Variants in MARCHF1 observed in about 807,000 individuals in gnomAD.
MARCHF1 encodes the protein E3 ubiquitin-protein ligase MARCHF1.
MARCHF1 carries 40 observed loss-of-function variants against 54.2 expected under a neutral mutation model. The observed-to-expected ratio is 0.74, with a 90% confidence interval of 0.57 to 0.96. MARCHF1 has a LOEUF of 0.96. Among genes scored for constraint, MARCHF1 ranks in the 40% least tolerant of loss-of-function variants. The pLI is 0.00. For synonymous variants in MARCHF1, 236 were observed against 236.3 expected, an observed-to-expected ratio of 1.00 and a Z score of 0.01; for missense variants, 586 against 656.5, an observed-to-expected ratio of 0.89 and a Z score of 1.17.
chr4:164,082,927 T>G (rs763956395), intron 2 of MARCHF1, among the ~76,000 whole-genome samples: 1 of 152,230 alleles, frequency 6.6e-6, no homozygotes, highest in Non-Finnish European at 1.5e-5. Context: ...ATGTTTCCAT[T>G]ATTCTTCCCT....
intron 3 of MARCHF1, among the ~76,000 whole-genome samples, chr4:163,902,021 G>A (rs1750953038): frequency 6.6e-6 from 1 of 152,168 alleles, no homozygotes; most frequent in Non-Finnish European, 1.5e-5. Flanking sequence ...GTGCCTGTGA[G>A]GATCAAACTC....
chr4:163,780,610 G>A (rs1747437449), intron 4 of MARCHF1, among the ~76,000 whole-genome samples: 1 of 50,098 alleles, frequency 2.0e-5, no homozygotes, highest in Admixed American at 2.5e-4. Context: ...TTGAAAGTGG[G>A]AATTATGGCT....
chr4:164,310,843 T>C (rs1275088804), intron 1 of MARCHF1, among the ~76,000 whole-genome samples: 1 of 152,124 alleles, frequency 6.6e-6, no homozygotes, highest in African/African-American at 2.4e-5. Flanking sequence ...CAGTTTAGAA[T>C]TTTTTCTAAT....
chr4:163,977,908 A>C (rs1752680767), intron 3 of MARCHF1, among the ~76,000 whole-genome samples: 1 of 152,214 alleles, frequency 6.6e-6, no homozygotes, highest in Non-Finnish European at 1.5e-5. Flanking sequence ...AAACCTAACA[A>C]CCAGTAAAAT....
intron 2 of MARCHF1, among the ~76,000 whole-genome samples, chr4:164,005,021 T>C (rs766741953): frequency 2.2e-4 from 33 of 151,462 alleles, no homozygotes; most frequent in South Asian, 6.2e-4. Flanking sequence ...GAAAAAACAA[T>C]AATGCAGAAA....
At chr4:163,923,208 C>A (rs1321636353) in intron 3 of MARCHF1, among the ~76,000 whole-genome samples, 1 of 152,136 alleles carries the variant, frequency 6.6e-6, no homozygotes, top group Non-Finnish European at 1.5e-5. Context: ...TAACTGCTTT[C>A]TGAAATGACA....
intron 7 of MARCHF1, among the ~76,000 whole-genome samples, chr4:163,606,364 T>C (rs1230600509): frequency 6.6e-6 from 1 of 152,126 alleles, no homozygotes; most frequent in Non-Finnish European, 1.5e-5. Flanking sequence ...TTCTGAGTAT[T>C]GTGGAGGGCA....
At chr4:163,636,104 A>C (rs1367001328) in intron 5 of MARCHF1, among the ~76,000 whole-genome samples, 2 of 152,240 alleles carry the variant, frequency 1.3e-5, no homozygotes, top group African/African-American at 4.8e-5. Flanking sequence ...TCAAAACAAT[A>C]AGAGCTATCT....
At chr4:164,035,816 T>TA (rs1753982199) in intron 2 of MARCHF1, among the ~76,000 whole-genome samples, 2 of 151,292 alleles carry the variant, frequency 1.3e-5, no homozygotes, top group Non-Finnish European at 1.5e-5. Context: ...TGCGGTGGCT[T>TA]ACGCCTGTAA....
At chr4:163,656,585 T>C (rs1420494268) in intron 5 of MARCHF1, among the ~76,000 whole-genome samples, 1 of 151,904 alleles carries the variant, frequency 6.6e-6, no homozygotes, top group Non-Finnish European at 1.5e-5. Flanking sequence ...TACCAAAACC[T>C]GGCAGAGACA....
intron 1 of MARCHF1, among the ~76,000 whole-genome samples, chr4:164,133,083 AG>A (rs758741656): frequency 5.3e-5 from 8 of 152,300 alleles, no homozygotes; most frequent in Middle Eastern, 3.4e-3. Context: ...CAACTTTCTA[AG>A]GAGGAAAGGG....
intron 8 of MARCHF1, among the ~76,000 whole-genome samples, chr4:163,574,026 C>G (rs554184815): frequency 6.6e-6 from 1 of 152,084 alleles, no homozygotes; most frequent in Non-Finnish European, 1.5e-5. Context: ...GAGATGATAT[C>G]TCATTGTGGT....
At chr4:164,094,163 C>A (rs1755361429) in intron 2 of MARCHF1, among the ~76,000 whole-genome samples, 1 of 151,910 alleles carries the variant, frequency 6.6e-6, no homozygotes, top group Admixed American at 6.6e-5. Context: ...GATGGACGTG[C>A]CAGCAAAATA....
At chr4:163,965,095 A>G (rs1752417095) in intron 3 of MARCHF1, among the ~76,000 whole-genome samples, 1 of 152,054 alleles carries the variant, frequency 6.6e-6, no homozygotes, top group African/African-American at 2.4e-5. Context: ...AGAGGTTCAA[A>G]AAACTCAGAT....
chr4:163,667,420 G>A (rs1468684336), intron 5 of MARCHF1, among the ~76,000 whole-genome samples: 2 of 152,084 alleles, frequency 1.3e-5, no homozygotes, highest in Non-Finnish European at 2.9e-5. Flanking sequence ...ATTAGAAGAT[G>A]TTGAAAATAG....
chr4:164,041,593 T>C (rs1463314358), intron 2 of MARCHF1, among the ~76,000 whole-genome samples: 1 of 152,182 alleles, frequency 6.6e-6, no homozygotes, highest in Non-Finnish European at 1.5e-5. Flanking sequence ...AATATTTAAA[T>C]GCATGTTAGC....
Position 164,226,048 on chromosome 4 carries a change from G to A in MARCHF1, c.-322-114386C>T, listed in dbSNP as rs911423061. Among the ~76,000 whole-genome samples the A allele has an allele frequency of 1.8e-4, 27 of 151,922 alleles. 1 individual carries two copies. In the East Asian group the frequency reaches 2.7e-3, roughly 15 times the overall value. Reference sequence around the variant, plus strand: ...AGGAAGAATTTTACACAATCAACTCGCCTTCACCATTTATGATCTTCCATT... The same window carrying A: ...AGGAAGAATTTTACACAATCAACTCACCTTCACCATTTATGATCTTCCATT... On this transcript the variant is annotated intron_variant, in intron 1 of 9. Coordinates refer to ENST00000514618, the MANE Select transcript of MARCHF1 (RefSeq NM_001394959.1).
rs138748052 is a variant in MARCHF1 at position 164,022,506 on chromosome 4, G to A, written c.-247-33797C>T. ...CCTGAATGGCTCTAGGGAAAGAGGC[G>A]AGTTAAGGGAAGGATGGACAGCCCA... On this transcript the variant is annotated intron_variant, in intron 2 of 9. Coordinates refer to ENST00000514618, the MANE Select transcript of MARCHF1 (RefSeq NM_001394959.1). Among the ~76,000 whole-genome samples the A allele has an allele frequency of 3.0e-3, 451 of 152,142 alleles. 2 individuals carry two copies. The highest frequency in any genetic ancestry group is 2.6e-3 in the Non-Finnish European group (178 of 67,980).
chr4:163,928,867 C>G (rs138196863), intron 3 of MARCHF1, among the ~76,000 whole-genome samples: 4 of 151,782 alleles, frequency 2.6e-5, no homozygotes, highest in African/African-American at 9.6e-5. Context: ...CTTAATATAA[C>G]TTTTGAAATC....
Sources: allele counts gnomAD v4.1 joint callset (sites outside exome capture counted in the v4.1 genomes callset), GRCh38; gene constraint gnomAD v4.1.1; transcripts MANE v1.5; gene names NCBI Gene and HGNC (gene_info 2026-07-23, HGNC 2026-07-21).